Variants in LHFPL3 observed in about 807,000 individuals in gnomAD.
LHFPL3 encodes the protein LHFPL tetraspan subfamily member 3, also known as LHFPL tetraspan subfamily member 3 protein.
In LHFPL3, 5 loss-of-function variants were observed where a neutral mutation model predicts 19.3. The observed-to-expected ratio is 0.26, with a 90% CI of 0.14 to 0.54. The LOEUF (loss-of-function observed/expected upper bound fraction) is 0.54. Ranked by LOEUF, LHFPL3 falls within the 20% of genes least tolerant of loss-of-function variation. The probability of loss-of-function intolerance (pLI) is 0.94; values close to 1 mark genes in which losing one functional copy is unlikely to be tolerated. For synonymous variants in LHFPL3, 133 were observed against 126.2 expected, an observed-to-expected ratio of 1.05 and a Z score of -0.36; for missense variants, 249 against 307.4, an observed-to-expected ratio of 0.81 and a Z score of 1.42.
At chr7:104,486,556 T>C (rs1392046771) in intron 1 of LHFPL3, among the ~76,000 whole-genome samples, 1 of 152,186 alleles carries the variant, frequency 6.6e-6, no homozygotes, top group African/African-American at 2.4e-5. Context: ...AAACCTCTTC[T>C]CTAAAGGCAC....
intron 1 of LHFPL3, among the ~76,000 whole-genome samples, chr7:104,726,799 G>T (rs936535165): frequency 1.3e-5 from 2 of 152,178 alleles, no homozygotes; most frequent in African/African-American, 4.8e-5. Flanking sequence ...ACATATGCAT[G>T]CATGTGTCTT....
intron 1 of LHFPL3, among the ~76,000 whole-genome samples, chr7:104,557,248 C>A (rs1293395825): frequency 6.6e-6 from 1 of 152,152 alleles, no homozygotes; most frequent in African/African-American, 2.4e-5. Context: ...TCATTTTTCA[C>A]ACTGTTGATA....
chr7:104,479,625 C>T (rs1182493968), intron 1 of LHFPL3, among the ~76,000 whole-genome samples: 2 of 152,164 alleles, frequency 1.3e-5, no homozygotes, highest in Non-Finnish European at 2.9e-5. Context: ...CTCCTGACCT[C>T]ATGTGATCCA....
At chr7:104,599,967 T>A (rs1790932588) in intron 1 of LHFPL3, among the ~76,000 whole-genome samples, 1 of 152,212 alleles carries the variant, frequency 6.6e-6, no homozygotes. Flanking sequence ...AGGACTTCCC[T>A]GGCCCTTCAA....
rs79878853 is a variant in LHFPL3, at chr7:104,619,488, G to C, written c.446-117187G>C. On this transcript the variant is annotated intron_variant, in intron 1 of 2. Coordinates refer to ENST00000424859, the MANE Select transcript of LHFPL3 (RefSeq NM_199000.3). ...ATTTCTTCCATATAATTCAATTAAA[G>C]TTCTTATTATGCAGAATGATTGAAA... 3.7e-3 allele frequency among the ~76,000 whole-genome samples: 569 copies of C among 151,900 alleles called. 3 individuals are homozygous for C. Among genetic ancestry groups the C allele is most frequent in the Admixed American group, 8.0e-3 (122 of 15,234 alleles).
At chr7:104,439,622 A>G (rs2116577714) in intron 1 of LHFPL3, among the ~76,000 whole-genome samples, 1 of 152,330 alleles carries the variant, frequency 6.6e-6, no homozygotes, top group Admixed American at 6.5e-5. Context: ...GAAAGAGCAT[A>G]TGACCAAAGT....
In LHFPL3 at chr7:104,727,818, T is replaced by G. The variant is rs563985072; in HGVS notation, c.446-8857T>G. ...AGTAAGTGGGGGCTGGATTACAGAG[T>G]TTTTGAATACCTGACTAAGGTACCT... On this transcript the variant is annotated intron_variant, in intron 1 of 2. Transcript: ENST00000424859. Among the ~76,000 whole-genome samples, 127 of 151,800 alleles carry G rather than the reference T, an allele frequency of 8.4e-4. 1 individual carries two copies. The highest frequency in any genetic ancestry group is 3.4e-3 in the Middle Eastern group (1 of 294).
chr7:104,532,636 T>C (rs1273666702), intron 1 of LHFPL3, among the ~76,000 whole-genome samples: 1 of 152,122 alleles, frequency 6.6e-6, no homozygotes, highest in African/African-American at 2.4e-5. Context: ...TACACCTCAT[T>C]ACTCTCTGTG....
chr7:104,733,250 C>T (rs1464420740), intron 1 of LHFPL3, among the ~76,000 whole-genome samples: 1 of 152,172 alleles, frequency 6.6e-6, no homozygotes, highest in African/African-American at 2.4e-5. Flanking sequence ...CTGCTTGGTA[C>T]AGAGCTGAAT....
chr7:104,511,944 C>CTTTTTTT (rs58712044), intron 1 of LHFPL3, among the ~76,000 whole-genome samples: 39 of 111,928 alleles, frequency 3.5e-4, no homozygotes, highest in Non-Finnish European at 4.1e-4. Flanking sequence ...CTTTCCTTTT[C>CTTTTTTT]TTTTTTTTTT....
At chr7:104,774,605 T>C (rs1794611611) in intron 2 of LHFPL3, among the ~76,000 whole-genome samples, 1 of 152,244 alleles carries the variant, frequency 6.6e-6, no homozygotes, top group South Asian at 2.1e-4. Context: ...TAAATCTCAG[T>C]AAAGCCTCTA....
At chr7:104,542,444 G>A (rs1403079903) in intron 1 of LHFPL3, among the ~76,000 whole-genome samples, 2 of 151,984 alleles carry the variant, frequency 1.3e-5, no homozygotes, top group Non-Finnish European at 2.9e-5. Context: ...TAGGTGTGGG[G>A]ACTGTTATCC....
In LHFPL3 at chr7:104,349,915, G is replaced by T. The variant is rs578072011; in HGVS notation, c.445+20691G>T. ...ATTGTCATATTTGAGTAAAGATTTA[G>T]TGTTATTGCGAAGCTAGTTCCTTTT... On this transcript the variant is annotated intron_variant, in intron 1 of 2. Coordinates refer to ENST00000424859, the MANE Select transcript of LHFPL3 (RefSeq NM_199000.3). Among the ~76,000 whole-genome samples, 44 of 152,226 alleles carry T rather than the reference G, an allele frequency of 2.9e-4. 1 individual carries two copies. The South Asian group carries it at 8.7e-3, about 30-fold the overall frequency.
intron 2 of LHFPL3, among the ~76,000 whole-genome samples, chr7:104,863,778 T>C (rs944896699): frequency 6.6e-6 from 1 of 152,216 alleles, no homozygotes; most frequent in Non-Finnish European, 1.5e-5. Context: ...ATTCTCTGAT[T>C]ACCAAGCCCA....
chr7:104,415,770 T>A (rs1382066759), intron 1 of LHFPL3, among the ~76,000 whole-genome samples: 1 of 152,144 alleles, frequency 6.6e-6, no homozygotes, highest in African/African-American at 2.4e-5. Flanking sequence ...CCAATTTCAG[T>A]AGCAAAAAAA....
intron 1 of LHFPL3, among the ~76,000 whole-genome samples, chr7:104,443,035 TG>T (rs1792257582): frequency 6.6e-6 from 1 of 152,208 alleles, no homozygotes; most frequent in Non-Finnish European, 1.5e-5. Flanking sequence ...TGCATTATCT[TG>T]GAAGAGTACC....
rs150478962 is a variant in LHFPL3, at chr7:104,717,465, A to C, written c.446-19210A>C. On this transcript the variant is annotated intron_variant, in intron 1 of 2. Transcript: ENST00000424859. ...ATACCCTACTACACAATAGAGAAAAACTAATAACCTGATTTTAAAATGGGC... is the reference window on the plus strand; with the variant it reads ...ATACCCTACTACACAATAGAGAAAACCTAATAACCTGATTTTAAAATGGGC... Among the ~76,000 whole-genome samples the C allele has an allele frequency of 5.8e-3, 878 of 152,254 alleles. 9 individuals carry two copies. Among genetic ancestry groups the C allele is most frequent in the African/African-American group, 0.02 (823 of 41,558 alleles).
At chr7:104,876,718 C>A (rs866442922) in intron 2 of LHFPL3, among the ~76,000 whole-genome samples, 14 of 152,008 alleles carry the variant, frequency 9.2e-5, no homozygotes, top group Admixed American at 3.3e-4. Context: ...GTCAGTGTGG[C>A]GATTCCTCAG....
chr7:104,370,216 G>A (rs1220985771), intron 1 of LHFPL3, among the ~76,000 whole-genome samples: 3 of 152,170 alleles, frequency 2.0e-5, no homozygotes, highest in Non-Finnish European at 4.4e-5. Context: ...CTGCCAGCTG[G>A]TGCTGGTGTC....
Sources: gnomAD v4.1 joint callset for allele counts (sites outside exome capture counted in the v4.1 genomes callset) on GRCh38, gnomAD v4.1.1 for gene constraint, MANE v1.5 for transcripts, NCBI Gene and HGNC (gene_info 2026-07-23, HGNC 2026-07-21) for gene names.